PPP4R3B: variants seen among roughly 807,000 people sequenced by gnomAD.
The protein encoded by PPP4R3B is serine/threonine-protein phosphatase 4 regulatory subunit 3B.
In PPP4R3B, 52 loss-of-function variants were observed where a neutral mutation model predicts 95.4. The ratio of observed to expected loss-of-function variants is 0.54; its 90% CI spans 0.44 to 0.69. The LOEUF is 0.69. Among genes scored for constraint, PPP4R3B ranks in the 30% least tolerant of loss-of-function variants. The pLI, the probability that PPP4R3B is intolerant of heterozygous loss-of-function variation, is 0.00. For missense variants in PPP4R3B, 1,003 were observed against 1,005.9 expected, an observed-to-expected ratio of 1.00 and a Z score of 0.04; for synonymous variants, 407 against 343.9, an observed-to-expected ratio of 1.18 and a Z score of -2.03.
chr2:55,548,307 A>G lies in PPP4R3B; in HGVS notation c.*1604T>C, dbSNP rs560218452. Reference sequence around the variant, plus strand: ...ATAATTTTATTGGCTTTTAAAAGATACTGTAAAATTGACATATCTCAAAAT... The same window carrying G: ...ATAATTTTATTGGCTTTTAAAAGATGCTGTAAAATTGACATATCTCAAAAT... On this transcript the variant is annotated 3_prime_UTR_variant, in exon 17 of 17. Coordinates refer to ENST00000616407, the MANE Select transcript of PPP4R3B (RefSeq NM_001122964.3). 7 of 152,672 alleles carry G rather than the reference A, an allele frequency of 4.6e-5. No individual in the cohort carries two copies. Among genetic ancestry groups the G allele is most frequent in the Non-Finnish European group, 1.0e-4 (7 of 68,054 alleles). The allele number at this position is 152,672 out of a possible 1,614,324, so 9.5% of individuals were successfully genotyped here.
At chr2:55,599,081 A>T (rs574947189) in intron 3 of PPP4R3B, 42 bp from the exon 4 acceptor site, 5 of 1,501,500 alleles carry the variant, frequency 3.3e-6, no homozygotes, top group Non-Finnish European at 1.8e-6. Context: ...TTAAAATACA[A>T]AATAATTCAA....
intron 16 of PPP4R3B, among the ~76,000 whole-genome samples, chr2:55,553,933 G>A (rs184784243): frequency 5.9e-5 from 9 of 152,110 alleles, no homozygotes; most frequent in African/African-American, 2.2e-4. Context: ...GTTTTACAGT[G>A]GACACATGTT....
chr2:55,610,617 G>C (rs1338991713), intron 2 of PPP4R3B, among the ~76,000 whole-genome samples: 1 of 151,870 alleles, frequency 6.6e-6, no homozygotes, highest in East Asian at 1.9e-4. Flanking sequence ...TATATTTTGT[G>C]TTGGCACATA....
intron 3 of PPP4R3B, among the ~76,000 whole-genome samples, chr2:55,599,265 C>T (rs1467410918): frequency 6.6e-6 from 1 of 151,856 alleles, no homozygotes; most frequent in African/African-American, 2.4e-5. Context: ...TGGTGAAACC[C>T]CAACTCCACT....
intron 13 of PPP4R3B, among the ~76,000 whole-genome samples, chr2:55,567,003 T>A (rs1019636192): frequency 6.6e-6 from 1 of 152,202 alleles, no homozygotes; most frequent in Non-Finnish European, 1.5e-5. Flanking sequence ...TGAGACCTTG[T>A]CTCAAACAAA....
intron 2 of PPP4R3B, among the ~76,000 whole-genome samples, chr2:55,612,372 T>C (rs996113895): frequency 6.6e-6 from 1 of 152,150 alleles, no homozygotes; most frequent in Non-Finnish European, 1.5e-5. Context: ...CTAACAAACA[T>C]AGAAAAATGT....
At chr2:55,585,419 A>G (rs937665547) in intron 6 of PPP4R3B, among the ~76,000 whole-genome samples, 7 of 152,210 alleles carry the variant, frequency 4.6e-5, no homozygotes, top group Non-Finnish European at 8.8e-5. Context: ...TTTAAATATA[A>G]GAATTGGCAC....
At chr2:55,587,499 G>A (rs896679070) in intron 5 of PPP4R3B, among the ~76,000 whole-genome samples, 5 of 152,170 alleles carry the variant, frequency 3.3e-5, no homozygotes, top group African/African-American at 4.8e-5. Context: ...CACGAGAAGC[G>A]CTTGAACCCA....
intron 4 of PPP4R3B, among the ~76,000 whole-genome samples, chr2:55,595,738 G>GA (rs11367361): frequency 0.12 from 15,797 of 130,410 alleles, 1,036 homozygotes; most frequent in East Asian, 0.27. Context: ...AAAAGTACAT[G>GA]AAAAAAAAAA....
intron 4 of PPP4R3B, among the ~76,000 whole-genome samples, chr2:55,597,176 G>C (rs1447085025): frequency 6.6e-6 from 1 of 152,032 alleles, no homozygotes; most frequent in African/African-American, 2.4e-5. Context: ...TAATGCCAAT[G>C]AATTGTACAC....
Position 55,584,955 on chromosome 2 carries a change from AAAGATT to A in PPP4R3B, c.1233+90_1233+95del, listed in dbSNP as rs891943825. 1.8e-5 allele frequency: 17 copies of A among 959,774 alleles called. No individual in the cohort carries two copies. The African/African-American group carries it at 2.1e-4, about 12-fold the overall frequency. The allele number at this position is 959,774 out of a possible 1,614,324, so 59.5% of individuals were successfully genotyped here. A position where few individuals can be genotyped will look rare whatever the true frequency, so the allele number is the denominator to read the frequency against. On this transcript the variant is annotated intron_variant, in intron 7 of 16. Coordinates refer to ENST00000616407, the MANE Select transcript of PPP4R3B (RefSeq NM_001122964.3). ...AGAAATCTATTATTTTGCTCCCAAG[AAAGATT>A]AAGATTATGTTATGTTTTTTCTCTC...
chr2:55,571,055 A>C (rs528218987), intron 12 of PPP4R3B, among the ~76,000 whole-genome samples: 1 of 152,212 alleles, frequency 6.6e-6, no homozygotes, highest in African/African-American at 2.4e-5. Context: ...TCACACCTGT[A>C]ATCTCAGCCC....
At chr2:55,600,481 A>C (rs1692413177) in intron 3 of PPP4R3B, among the ~76,000 whole-genome samples, 1 of 151,070 alleles carries the variant, frequency 6.6e-6, no homozygotes. Context: ...GTTAAGAAAT[A>C]ATTAAGTAAT....
At position 55,604,086 on chromosome 2, in the gene PPP4R3B, A is replaced by G. The variant is rs757621671; in HGVS notation, c.199-10T>C. 5.1e-6 allele frequency: 8 copies of G among 1,583,686 alleles called. No homozygotes were observed. In the South Asian group the frequency reaches 8.2e-5, roughly 16 times the overall value. On this transcript the variant is annotated splice_polypyrimidine_tract_variant and intron_variant, in intron 2 of 16. Transcript: ENST00000616407. ...AAACAATTAATGTATCCTGTTTAAA[A>G]ATAAATATTTCCATATCATCACACT...
chr2:55,579,717 G>A lies in PPP4R3B; in HGVS notation c.1430C>T (p.Pro477Leu). Residue 477 changes from proline (P) to leucine (L), a missense_variant, in exon 9 of 17, where the codon CCA becomes CTA. This residue lies in a region of PPP4R3B where 695 missense variants were observed against 686.2 expected (regional missense o/e 1.01). Coordinates refer to ENST00000616407, the MANE Select transcript of PPP4R3B (RefSeq NM_001122964.3). ...GTCTTCTGAAGTATTGGTCAAAAGT[G>A]GTGCTGTGAGAACATGCATACAATG... ...YNHCMHVLTA[P>L]LLTNTSEDKC... 1.2e-6 allele frequency: 2 copies of A among 1,607,148 alleles called. No homozygotes were observed. Among genetic ancestry groups the A allele is most frequent in the African/African-American group, 1.3e-5 (1 of 74,646 alleles).
chr2:55,615,857 C>CAAAAAAAA (rs58981030), intron 1 of PPP4R3B, among the ~76,000 whole-genome samples: 5 of 39,064 alleles, frequency 1.3e-4, no homozygotes, highest in African/African-American at 1.8e-4. Context: ...ACTCTGTCTC[C>CAAAAAAAA]AAAAAAAAAA....
At chr2:55,561,866 T>G (rs1465145539) in intron 15 of PPP4R3B, among the ~76,000 whole-genome samples, 1 of 152,172 alleles carries the variant, frequency 6.6e-6, no homozygotes. Context: ...ATATGAGACT[T>G]TGGACTTGGA....
chr2:55,590,368 T>G (rs1272314564), intron 4 of PPP4R3B, among the ~76,000 whole-genome samples: 1 of 152,142 alleles, frequency 6.6e-6, no homozygotes, highest in Non-Finnish European at 1.5e-5. Flanking sequence ...TTTGTTTGTC[T>G]AAAGTCTAGG....
intron 11 of PPP4R3B, among the ~76,000 whole-genome samples, chr2:55,575,424 T>A (rs1688552514): frequency 6.6e-6 from 1 of 152,122 alleles, no homozygotes; most frequent in Non-Finnish European, 1.5e-5. Flanking sequence ...ACCACCCATA[T>A]TATAAGTGCT....
Sources: allele counts gnomAD v4.1 joint callset (sites outside exome capture counted in the v4.1 genomes callset), GRCh38; gene constraint gnomAD v4.1.1; regional missense constraint gnomAD v4.1.1; transcripts MANE v1.5; gene names NCBI Gene and HGNC (gene_info 2026-07-23, HGNC 2026-07-21).